Variants in CREB3L2 observed in about 807,000 individuals in gnomAD.
CREB3L2 encodes cAMP responsive element binding protein 3 like 2.
Under a neutral mutation model 57.2 loss-of-function variants are expected in CREB3L2, and 23 were observed. The ratio of observed to expected loss-of-function variants is 0.40; its 90% CI spans 0.29 to 0.57. The LOEUF is 0.57. Among genes scored for constraint, CREB3L2 ranks in the 20% least tolerant of loss-of-function variants. The pLI, the probability that CREB3L2 is intolerant of heterozygous loss-of-function variation, is 0.42. For synonymous variants in CREB3L2, 268 were observed against 265.1 expected (o/e 1.01, Z -0.11); for missense variants, 628 against 634.7 (o/e 0.99, Z 0.11).
At chr7:137,958,493 C>T (rs141105713) in intron 1 of CREB3L2, among the ~76,000 whole-genome samples, 2 of 152,088 alleles carry the variant, frequency 1.3e-5, no homozygotes, top group South Asian at 2.1e-4. Context: ...AGTGGAGACC[C>T]TGCCTGTTCA....
At chr7:137,979,823 T>G (rs1473766204) in intron 1 of CREB3L2, among the ~76,000 whole-genome samples, 2 of 152,050 alleles carry the variant, frequency 1.3e-5, no homozygotes, top group Non-Finnish European at 2.9e-5. Context: ...GACTTCTGAG[T>G]GGACAGGTAT....
chr7:137,954,095 C>T (rs1563264545), intron 1 of CREB3L2, among the ~76,000 whole-genome samples: 1 of 152,102 alleles, frequency 6.6e-6, no homozygotes. Context: ...TTCTGAAGTT[C>T]CACAAACATA....
chr7:137,930,050 C>T (rs75376348), intron 1 of CREB3L2, among the ~76,000 whole-genome samples: 3 of 151,528 alleles, frequency 2.0e-5, no homozygotes, highest in East Asian at 4.0e-4. Context: ...CCCGCCACCA[C>T]GTCTGGCTAA....
chr7:137,961,664 T>C (rs1458813763), intron 1 of CREB3L2, among the ~76,000 whole-genome samples: 2 of 152,160 alleles, frequency 1.3e-5, no homozygotes, highest in Non-Finnish European at 2.9e-5. Context: ...GTCCTCTATC[T>C]TTCTCTCAGG....
In CREB3L2 at chr7:137,923,571, T is replaced by C. The variant is rs1800383239; in HGVS notation, c.319+4579A>G. On this transcript the variant is annotated intron_variant, in intron 2 of 11. Coordinates refer to ENST00000330387, the MANE Select transcript of CREB3L2 (RefSeq NM_194071.4). ...ATGTTCTTGTCATCAGCTCACGCTA[T>C]ATGTGATGAAGACACCGTTATGCAC... Among the ~76,000 whole-genome samples the C allele has an allele frequency of 2.0e-5, 3 of 152,340 alleles. No homozygotes were observed. The South Asian group carries it at 6.2e-4, about 32-fold the overall frequency.
intron 1 of CREB3L2, among the ~76,000 whole-genome samples, chr7:137,974,742 G>A (rs1415477438): frequency 2.0e-5 from 3 of 152,218 alleles, no homozygotes; most frequent in Non-Finnish European, 2.9e-5. Context: ...TGGGATACAA[G>A]TTAGGAGAGA....
In CREB3L2 at chr7:137,956,118, A is replaced by G. The variant is rs56264619; in HGVS notation, c.103-27752T>C. 6.0e-4 allele frequency among the ~76,000 whole-genome samples: 91 copies of G among 152,358 alleles called. 2 individuals carry two copies. The highest frequency in any genetic ancestry group is 1.2e-3 in the Non-Finnish European group (81 of 68,028). On this transcript the variant is annotated intron_variant, in intron 1 of 11. Transcript: ENST00000330387. ...TATTTGGTGGCAAGACAGAACCATC[A>G]GTTTGCCTCAGGAATGTAAGACTTT...
chr7:137,984,599 T>C (rs1245202017), intron 1 of CREB3L2, among the ~76,000 whole-genome samples: 1 of 152,246 alleles, frequency 6.6e-6, no homozygotes, highest in Non-Finnish European at 1.5e-5. Context: ...CTTACATGTT[T>C]AAATTACCAA....
intron 1 of CREB3L2, among the ~76,000 whole-genome samples, chr7:137,963,706 T>C (rs183934224): frequency 3.3e-5 from 5 of 152,344 alleles, no homozygotes; most frequent in African/African-American, 2.4e-5. Context: ...CCAGGATCTT[T>C]TGAAATCTTG....
intron 8 of CREB3L2, among the ~76,000 whole-genome samples, chr7:137,897,518 T>C (rs537911990): frequency 1.3e-5 from 2 of 152,176 alleles, no homozygotes; most frequent in Non-Finnish European, 2.9e-5. Context: ...TACAGGTGTC[T>C]GCCACTACGC....
At position 137,980,637 on chromosome 7, in the gene CREB3L2, G is replaced by A. The variant is rs1801697668; in HGVS notation, c.102+20967C>T. ...CTACTTTCAGACTTCCCCAACCAGT[G>A]GCCCAGGCTCCTAAAATACATGACA... On this transcript the variant is annotated intron_variant, in intron 1 of 11. Coordinates refer to ENST00000330387, the MANE Select transcript of CREB3L2 (RefSeq NM_194071.4). The surrounding 1 kb of genome is among the most constrained non-coding windows in gnomAD (Gnocchi z 4.3). Among the ~76,000 whole-genome samples, 1 of 152,186 alleles carries A rather than the reference G, an allele frequency of 6.6e-6. No homozygotes were observed. The highest frequency in any genetic ancestry group is 2.4e-5 in the African/African-American group (1 of 41,452).
chr7:137,934,220 T>C (rs925733496), intron 1 of CREB3L2, among the ~76,000 whole-genome samples: 2 of 152,352 alleles, frequency 1.3e-5, no homozygotes, highest in African/African-American at 4.8e-5. Context: ...CTGAGAGACC[T>C]TGAGCTAGGG....
At chr7:137,953,783 A>C (rs1801153029) in intron 1 of CREB3L2, among the ~76,000 whole-genome samples, 1 of 152,218 alleles carries the variant, frequency 6.6e-6, no homozygotes, top group African/African-American at 2.4e-5. Flanking sequence ...ACTAGTTTGT[A>C]AACAGCTGGC....
intron 1 of CREB3L2, among the ~76,000 whole-genome samples, chr7:137,981,636 GTTTAGCTCAAGGAGGGATGAA>G (rs937702368): frequency 2.0e-5 from 3 of 152,196 alleles, no homozygotes; most frequent in Non-Finnish European, 4.4e-5. Flanking sequence ...GCAGGCAGTG[GTTTAGCTCAAGGAGGGATGAA>G]TGAATGTGGG....
intron 10 of CREB3L2, chr7:137,884,321 A>T (rs1251344542): frequency 6.9e-6 from 1 of 145,892 alleles, no homozygotes; most frequent in African/African-American, 2.6e-5. Context: ...ATCTCGGCTC[A>T]CTGCAAACTC....
intron 2 of CREB3L2, chr7:137,922,453 T>TATATACGTATATATATATATATACAC (rs1554498063): frequency 1.4e-5 from 1 of 72,578 alleles, no homozygotes; most frequent in Non-Finnish European, 2.6e-5. Flanking sequence ...TATATATATA[T>TATATACGTATATATATATATATACAC]ACACACATAT....
chr7:137,921,963 A>C (rs1295412743), intron 2 of CREB3L2, among the ~76,000 whole-genome samples: 4 of 148,830 alleles, frequency 2.7e-5, no homozygotes, highest in Admixed American at 2.7e-4. Flanking sequence ...GATAGAGATG[A>C]GGTCTCACTG....
In CREB3L2 at chr7:137,884,867, G is replaced by A. The variant is rs773924101; in HGVS notation, c.1270+128C>T. 5.9e-6 allele frequency: 8 copies of A among 1,354,006 alleles called. No individual in the cohort carries two copies. The South Asian group carries it at 9.3e-5, about 16-fold the overall frequency. 83.9% of individuals were successfully genotyped at this position (1,354,006 alleles called of 1,614,324 possible). A position where few individuals can be genotyped will look rare whatever the true frequency, so the allele number is the denominator to read the frequency against. ...GGAACCCCCACTTGCCTCTTCAAAG[G>A]GAGAAGCTCCACTTTTACCACTTTT... is the stretch of plus-strand genomic sequence containing the variant. On this transcript the variant is annotated intron_variant, in intron 10 of 11. Coordinates refer to ENST00000330387, the MANE Select transcript of CREB3L2 (RefSeq NM_194071.4).
intron 5 of CREB3L2, 109 bp downstream of exon 5, chr7:137,908,143 G>T: frequency 1.3e-6 from 1 of 798,662 alleles, no homozygotes; most frequent in South Asian, 6.5e-5. Flanking sequence ...GAAACTTCTT[G>T]ACAAAAGTAA....
Sources: allele counts gnomAD v4.1 joint callset (sites outside exome capture counted in the v4.1 genomes callset), GRCh38; gene constraint gnomAD v4.1.1; non-coding constraint Gnocchi (gnomAD v3.1); transcripts MANE v1.5; gene names NCBI Gene and HGNC (gene_info 2026-07-23, HGNC 2026-07-21).